TNNT1: variants seen among roughly 807,000 people sequenced by gnomAD.
TNNT1 encodes troponin T, slow skeletal muscle.
TNNT1 carries 53 observed loss-of-function variants against 50.6 expected under a neutral mutation model. The observed-to-expected ratio is 1.05, with a 90% CI of 0.84 to 1.32. TNNT1 has a LOEUF of 1.32. Among genes scored for constraint, TNNT1 ranks in the 40% most tolerant of loss-of-function variants. The probability of loss-of-function intolerance (pLI) is 0.00; values close to 1 mark genes in which losing one functional copy is unlikely to be tolerated. For missense variants in TNNT1, 348 were observed against 381.7 expected, an observed-to-expected ratio of 0.91 and a Z score of 0.74; for synonymous variants, 142 against 138.0, an observed-to-expected ratio of 1.03 and a Z score of -0.20.
rs142350493 is a variant in TNNT1 at position 55,132,861 on chromosome 19, C to G, written c.*54G>C. 1.9e-6 allele frequency: 3 copies of G among 1,547,260 alleles called. No homozygotes were observed. The highest frequency in any genetic ancestry group is 1.9e-5 in the Admixed American group (1 of 52,684). On this transcript the variant is annotated 3_prime_UTR_variant, in exon 14 of 14. Transcript: ENST00000588981. ...GAGGGGAGCGTTTATTTCAAGCTAC[C>G]GATGGGACAAACACTCCCAGGCTTC...
intron 11 of TNNT1, among the ~76,000 whole-genome samples, chr19:55,135,066 G>C (rs2085324345): frequency 6.6e-6 from 1 of 152,056 alleles, no homozygotes; most frequent in Non-Finnish European, 1.5e-5. Context: ...CTTTCTTCTA[G>C]AAATAGCCTC....
chr19:55,145,020 A>G (rs2085521603), intron 6 of TNNT1, among the ~76,000 whole-genome samples: 1 of 151,712 alleles, frequency 6.6e-6, no homozygotes, highest in Non-Finnish European at 1.5e-5. Flanking sequence ...CTGGCTGGGC[A>G]TGGTGGCTTG....
chr19:55,137,649 A>G (rs1167982093), intron 10 of TNNT1, among the ~76,000 whole-genome samples: 2 of 123,564 alleles, frequency 1.6e-5, no homozygotes, highest in Admixed American at 8.6e-5. Flanking sequence ...ACTGAGTCCA[A>G]GCCCCAGACC....
intron 11 of TNNT1, among the ~76,000 whole-genome samples, chr19:55,136,671 C>T (rs185715237): frequency 4.9e-4 from 75 of 152,278 alleles, no homozygotes; most frequent in African/African-American, 1.7e-3. Flanking sequence ...CAAGCCCCCA[C>T]CAGCCTGCCG....
chr19:55,146,276 G>A (rs2085548760), intron 5 of TNNT1, among the ~76,000 whole-genome samples, 158 bp downstream of exon 5: 1 of 151,948 alleles, frequency 6.6e-6, no homozygotes, highest in Non-Finnish European at 1.5e-5. Context: ...GGCCCCGAGA[G>A]GGCGCAGGAG....
rs376169184 is a variant in TNNT1 at position 55,132,907 on chromosome 19, C to T, written c.*8G>A. On this transcript the variant is annotated 3_prime_UTR_variant, in exon 14 of 14. Transcript: ENST00000588981. The stretch of plus-strand genomic sequence containing the variant: ...GCTTCCCAGGTGCCACTGTCCGGGG[C>T]GGCATCCTCACTTCCAGCGGCCTCC... The T allele has an allele frequency of 3.2e-5, 52 of 1,600,018 alleles. No homozygotes were observed. Among genetic ancestry groups the T allele is most frequent in the East Asian group, 4.5e-5 (2 of 44,494 alleles).
rs779112211 is a variant in TNNT1, at chr19:55,134,091, G to A, written c.725C>T (p.Ala242Val). 35 of 1,612,806 alleles carry A rather than the reference G, an allele frequency of 2.2e-5. No homozygotes were observed. The East Asian group carries it at 4.7e-4, about 22-fold the overall frequency. The change falls in exon 12 of 14, where the codon GCG becomes GTG. Residue 242 changes from alanine (A) to valine (V), a missense_variant. By Grantham distance (64) the Ala-to-Val change is moderately conservative. Transcript: ENST00000588981. ...QLESEKFDLM[A>V]KLKQQKYEIN... ...CTCATATTTCTGCTGTTTCAGCTTC[G>A]CCATCAGGTCGAACTTCTCAGACTC...
At chr19:55,142,200 A>G in intron 6 of TNNT1, 1 of 373,466 alleles carries the variant, frequency 2.7e-6, no homozygotes, top group Non-Finnish European at 5.1e-6. Flanking sequence ...GGCTCACTGC[A>G]AGCTCCGCCT....
intron 11 of TNNT1, among the ~76,000 whole-genome samples, chr19:55,134,679 G>A: frequency 1.0e-5 from 1 of 100,126 alleles, no homozygotes. Flanking sequence ...GAAAGAAAAG[G>A]AGAAAGGAAA....
Position 55,141,867 on chromosome 19 carries a change from ACG to A in TNNT1, c.180_181del (p.Val61Ter). On this transcript the variant is annotated frameshift_variant, in exon 7 of 14. Transcript: ENST00000588981. LOFTEE classifies it high-confidence loss of function. ...TCTCTTGTCACTTACATCGAAGTCA[ACG>A]CGCTCCCCTTCTGGGATCTTTGGCG... 1 of 1,613,990 alleles carries A rather than the reference ACG, an allele frequency of 6.2e-7. No homozygotes were observed. Among genetic ancestry groups the A allele is most frequent in the Non-Finnish European group, 8.5e-7 (1 of 1,179,950 alleles).
chr19:55,146,342 GA>G (rs1362234775), intron 5 of TNNT1, 91 bp downstream of exon 5: 1 of 860,158 alleles, frequency 1.2e-6, no homozygotes, highest in Admixed American at 3.8e-5. Flanking sequence ...CGGAGGGAGG[GA>G]AGGGTGGTCT....
intron 9 of TNNT1, 92 bp downstream of exon 9, chr19:55,140,791 A>ATGG: frequency 1.4e-6 from 1 of 714,026 alleles, no homozygotes; most frequent in East Asian, 5.1e-5. Flanking sequence ...AATAATAATA[A>ATGG]TAGTAATAAT....
At chr19:55,145,922 C>T (rs2085541199) in intron 5 of TNNT1, among the ~76,000 whole-genome samples, 2 of 151,958 alleles carry the variant, frequency 1.3e-5, no homozygotes, top group East Asian at 1.9e-4. Context: ...CAGGGGGTCC[C>T]AACCTCTGTC....
chr19:55,145,599 G>A (rs766628321), intron 5 of TNNT1, 34 bp from the exon 6 acceptor site: 1 of 1,613,118 alleles, frequency 6.2e-7, no homozygotes, highest in Non-Finnish European at 8.5e-7. Context: ...GAGATAATTA[G>A]CAAGAGTTTA....
Position 55,137,221 on chromosome 19 carries a change from G to T in TNNT1, c.502-9C>A, listed in dbSNP as rs746683905. ...CCACGCTTCTGTTCTGCCTGAGGGT[G>T]GGGGAGGCGGAACAGTAAACTGGGG... On this transcript the variant is annotated splice_polypyrimidine_tract_variant and intron_variant, in intron 10 of 13. Coordinates refer to ENST00000588981, the MANE Select transcript of TNNT1 (RefSeq NM_003283.6). 1.9e-6 allele frequency: 3 copies of T among 1,602,056 alleles called. No homozygotes were observed. Among genetic ancestry groups the T allele is most frequent in the Non-Finnish European group, 1.7e-6 (2 of 1,169,632 alleles).
intron 9 of TNNT1, among the ~76,000 whole-genome samples, chr19:55,139,703 G>A (rs1173073246): frequency 6.6e-6 from 1 of 152,034 alleles, no homozygotes; most frequent in African/African-American, 2.4e-5. Flanking sequence ...TGACGGGCAG[G>A]TGGCTGTAAT....
At chr19:55,146,821 G>T in intron 3 of TNNT1, 114 bp from the exon 4 acceptor site, 2 of 1,161,116 alleles carry the variant, frequency 1.7e-6, no homozygotes, top group Non-Finnish European at 2.4e-6. Flanking sequence ...GGCCTCGGCT[G>T]CGATGGGCAC....
At position 55,132,836 on chromosome 19, in the gene TNNT1, G is replaced by T; in HGVS notation, c.*79C>A. ...ACATCAGAGAACCCAGCGGGTGTCTGAGGGGAGCGTTTATTTCAAGCTACC... is the reference window on the plus strand; with the variant it reads ...ACATCAGAGAACCCAGCGGGTGTCTTAGGGGAGCGTTTATTTCAAGCTACC... On this transcript the variant is annotated 3_prime_UTR_variant, in exon 14 of 14. Transcript: ENST00000588981. 7.2e-7 allele frequency: 1 copy of T among 1,382,906 alleles called. No individual in the cohort carries two copies. The highest frequency in any genetic ancestry group is 1.0e-6 in the Non-Finnish European group (1 of 992,380). The allele number at this position is 1,382,906 out of a possible 1,614,324, so 85.7% of individuals were successfully genotyped here. A position where few individuals can be genotyped will look rare whatever the true frequency, so the allele number is the denominator to read the frequency against.
intron 5 of TNNT1, among the ~76,000 whole-genome samples, chr19:55,146,106 A>T (rs2147266312): frequency 6.6e-6 from 1 of 151,604 alleles, no homozygotes; most frequent in East Asian, 2.0e-4. Flanking sequence ...ATAACAGACA[A>T]GGTTGGAGGC....
Sources: allele counts gnomAD v4.1 joint callset (sites outside exome capture counted in the v4.1 genomes callset), GRCh38; gene constraint gnomAD v4.1.1; transcripts MANE v1.5; gene names NCBI Gene and HGNC (gene_info 2026-07-23, HGNC 2026-07-21).